LAMA3: variants seen among roughly 807,000 people sequenced by gnomAD.
The protein encoded by LAMA3 is laminin subunit alpha-3.
Under a neutral mutation model 402.0 loss-of-function variants are expected in LAMA3, and 281 were observed. That is an observed-to-expected ratio of 0.70 (90% CI 0.63 to 0.77). LAMA3 has a LOEUF of 0.77. LAMA3 is among the 30% of genes least tolerant of loss of function. LAMA3 has a pLI of 0.00. For missense variants in LAMA3, 3,840 were observed against 4,215.5 expected (o/e 0.91, Z 2.47); for synonymous variants, 1,431 against 1,558.4 (o/e 0.92, Z 1.93).
chr18:23,884,712 A>T, intron 40 of LAMA3, 61 bp from the exon 41 acceptor site: 1 of 1,419,058 alleles, frequency 7.0e-7, no homozygotes, highest in East Asian at 2.3e-5. Context: ...TGTGGTAAAA[A>T]ATAAGCATAA....
At chr18:23,882,454 A>G (rs910630728) in intron 40 of LAMA3, among the ~76,000 whole-genome samples, 1 of 151,826 alleles carries the variant, frequency 6.6e-6, no homozygotes, top group Non-Finnish European at 1.5e-5. Flanking sequence ...ACATGGTGAA[A>G]CCCCGTCTCT....
chr18:23,954,824 A>C lies in LAMA3; in HGVS notation c.*176A>C. The C allele has an allele frequency of 1.6e-6, 1 of 645,096 alleles. No individual in the cohort carries two copies. Among genetic ancestry groups the C allele is most frequent in the Non-Finnish European group, 2.7e-6 (1 of 364,596 alleles). 40.0% of individuals were successfully genotyped at this position (645,096 alleles called of 1,614,324 possible). ...CCATCACTTTGGCATTCAGTGCTAC[A>C]TGTGTATTTTATATAAAAATCCCAT... On this transcript the variant is annotated 3_prime_UTR_variant, in exon 75 of 75. Coordinates refer to ENST00000313654, the MANE Select transcript of LAMA3 (RefSeq NM_198129.4).
chr18:23,903,807 T>C, intron 49 of LAMA3, 126 bp from the exon 50 acceptor site: 1 of 801,548 alleles, frequency 1.2e-6, no homozygotes, highest in Non-Finnish European at 2.1e-6. Context: ...GTATGGTAAA[T>C]AGGCTTAGAA....
intron 12 of LAMA3, among the ~76,000 whole-genome samples, chr18:23,809,458 A>T (rs2063024317): frequency 6.6e-6 from 1 of 152,202 alleles, no homozygotes; most frequent in African/African-American, 2.4e-5. Context: ...AGTTCTTAAG[A>T]TGTAGAACTC....
chr18:23,747,746 G>C (rs2061676832), intron 2 of LAMA3, among the ~76,000 whole-genome samples, 197 bp from the exon 3 acceptor site: 1 of 152,162 alleles, frequency 6.6e-6, no homozygotes, highest in Non-Finnish European at 1.5e-5. Context: ...GAAAGATAAT[G>C]ATTTTTGTTT....
intron 21 of LAMA3, among the ~76,000 whole-genome samples, chr18:23,824,960 A>T (rs1014976329): frequency 2.0e-5 from 3 of 152,190 alleles, no homozygotes; most frequent in African/African-American, 7.2e-5. Flanking sequence ...CATCATAAGA[A>T]CTAGCAACTT....
Position 23,914,843 on chromosome 18 carries a change from T to C in LAMA3, c.7627T>C (p.Tyr2543His), listed in dbSNP as rs778189535. The C allele has an allele frequency of 1.4e-5, 22 of 1,612,282 alleles. No individual in the cohort carries two copies. In the East Asian group the frequency reaches 1.6e-4, roughly 11 times the overall value. Residue 2543 changes from tyrosine to histidine, a missense_variant, in exon 58 of 75, where the codon TAC (tyrosine) becomes CAC (histidine). Around this residue, in one of 3 missense-constraint regions of LAMA3, gnomAD observed 840 missense variants for 981.9 expected, o/e 0.86. Coordinates refer to ENST00000313654, the MANE Select transcript of LAMA3 (RefSeq NM_198129.4). ...PENVVFYVGG[Y>H]PPDFKLPSRL... is the part of the protein sequence containing the mutation. The stretch of plus-strand genomic sequence containing the variant: ...AAATGTTGTATTTTATGTTGGAGGT[T>C]ACCCACCTGATTTTAAAGTAAGTGT...
At chr18:23,735,839 C>T (rs551574544) in intron 2 of LAMA3, among the ~76,000 whole-genome samples, 1 of 152,206 alleles carries the variant, frequency 6.6e-6, no homozygotes, top group East Asian at 1.9e-4. Flanking sequence ...CAGCCCAGTG[C>T]TCTTCTCTGT....
intron 21 of LAMA3, 96 bp from the exon 22 acceptor site, chr18:23,826,606 G>T (rs566096622): frequency 2.2e-6 from 2 of 921,608 alleles, no homozygotes; most frequent in African/African-American, 3.3e-5. Flanking sequence ...ACTTCACCTG[G>T]TTATTATTGA....
chr18:23,900,647 G>C (rs1398693980), intron 47 of LAMA3, among the ~76,000 whole-genome samples: 1 of 152,214 alleles, frequency 6.6e-6, no homozygotes, highest in Non-Finnish European at 1.5e-5. Context: ...ACTTTTTACA[G>C]ATACTGGTAT....
rs1441497383 is a variant in LAMA3, at chr18:23,951,686, C to T, written c.9645C>T (p.Val3215=). The change falls in exon 73 of 75, where the codon GTC becomes GTT. Residue 3215 remains valine, a splice_region_variant and synonymous_variant. Transcript: ENST00000313654. The stretch of plus-strand genomic sequence containing the variant: ...AGGAAAATGCATGTGTGTTCCAGGT[C>T]ACGGCCTCTATGGACAGTGGGGCAG... ...HLCVYLEAGK[V]TASMDSGAGG... is the part of the protein sequence containing the mutation. The T allele has an allele frequency of 1.2e-6, 2 of 1,613,428 alleles. No homozygotes were observed. The highest frequency in any genetic ancestry group is 2.2e-5 in the South Asian group (2 of 90,982).
Position 23,779,626 on chromosome 18 carries a change from G to A in LAMA3, c.1468+2007G>A, listed in dbSNP as rs541631101. On this transcript the variant is annotated intron_variant, in intron 11 of 74. Transcript: ENST00000313654. The stretch of plus-strand genomic sequence containing the variant: ...TGGGTGGGGGCAGTGGTGGGAGCTC[G>A]TGGATGTTCTCTTCTGGCTGTTTTT... 1.8e-4 allele frequency among the ~76,000 whole-genome samples: 28 copies of A among 152,250 alleles called. No individual in the cohort carries two copies. In the East Asian group the frequency reaches 3.7e-3, roughly 20 times the overall value.
chr18:23,894,443 G>A, intron 43 of LAMA3, 95 bp downstream of exon 43: 2 of 1,114,416 alleles, frequency 1.8e-6, no homozygotes, highest in African/African-American at 1.5e-5. Flanking sequence ...TTCCAGTCTG[G>A]GAAAGTAAGG....
intron 35 of LAMA3, among the ~76,000 whole-genome samples, chr18:23,863,304 G>A (rs2064270401): frequency 6.6e-6 from 1 of 152,186 alleles, no homozygotes; most frequent in African/African-American, 2.4e-5. Context: ...AATTAGCTGG[G>A]CATGGCGGCA....
chr18:23,802,899 T>C (rs2062891404), intron 12 of LAMA3, among the ~76,000 whole-genome samples: 1 of 152,180 alleles, frequency 6.6e-6, no homozygotes, highest in Admixed American at 6.5e-5. Flanking sequence ...CTAGTAGTTT[T>C]CACCTACAGT....
chr18:23,828,880 G>T (rs1034124190), intron 23 of LAMA3, among the ~76,000 whole-genome samples: 4 of 152,022 alleles, frequency 2.6e-5, no homozygotes, highest in South Asian at 4.1e-4. Flanking sequence ...TTTTCTGCCA[G>T]TTTTTGTTTC....
rs537748431 is a variant in LAMA3 at position 23,915,112 on chromosome 18, G to A, written c.7645-177G>A. On this transcript the variant is annotated intron_variant, in intron 58 of 74. Coordinates refer to ENST00000313654, the MANE Select transcript of LAMA3 (RefSeq NM_198129.4). ...GATGAGGAAACAGAGACAGCGAGGT[G>A]TAATAACTTGCCCACAGTCATACAG... Among the ~76,000 whole-genome samples, 17 of 152,304 alleles carry A rather than the reference G, an allele frequency of 1.1e-4. No homozygotes were observed. In the South Asian group the frequency reaches 2.9e-3, roughly 26 times the overall value.
chr18:23,769,850 A>G (rs766428372), intron 8 of LAMA3, among the ~76,000 whole-genome samples: 15 of 152,264 alleles, frequency 9.9e-5, no homozygotes, highest in Non-Finnish European at 1.8e-4. Flanking sequence ...GCAAGACTCA[A>G]CTATATTGTT....
chr18:23,843,981 C>T (rs1276532051), intron 29 of LAMA3, among the ~76,000 whole-genome samples: 1 of 152,164 alleles, frequency 6.6e-6, no homozygotes, highest in Non-Finnish European at 1.5e-5. Flanking sequence ...TCTGCAAAGC[C>T]CTCCAGGAAG....
Sources: gnomAD v4.1 joint callset for allele counts (sites outside exome capture counted in the v4.1 genomes callset) on GRCh38, gnomAD v4.1.1 for gene constraint, gnomAD v4.1.1 regional missense constraint, MANE v1.5 for transcripts, NCBI Gene and HGNC (gene_info 2026-07-23, HGNC 2026-07-21) for gene names.